PNPLA1: variants seen among roughly 807,000 people sequenced by gnomAD.
The protein encoded by PNPLA1 is omega-hydroxyceramide transacylase.
In PNPLA1, 36 loss-of-function variants were observed where a neutral mutation model predicts 51.7. The observed-to-expected ratio is 0.70, with a 90% CI of 0.53 to 0.92. The LOEUF is 0.92. PNPLA1 is among the 40% of genes least tolerant of loss of function. PNPLA1 has a pLI of 0.00. For missense variants in PNPLA1, 658 were observed against 682.5 expected (o/e 0.96, Z 0.40); for synonymous variants, 293 against 280.1 (o/e 1.05, Z -0.46).
At chr6:36,296,124 G>A (rs960392391) in intron 5 of PNPLA1, among the ~76,000 whole-genome samples, 1 of 152,190 alleles carries the variant, frequency 6.6e-6, no homozygotes, top group Non-Finnish European at 1.5e-5. Flanking sequence ...CAGCCTGGGC[G>A]ATTGTGAGAT....
In PNPLA1 at chr6:36,306,490, G is replaced by A. The variant is rs1771241365; in HGVS notation, c.1469+114G>A. 6 of 929,664 alleles carry A rather than the reference G, an allele frequency of 6.5e-6. No individual in the cohort carries two copies. The South Asian group carries it at 9.8e-5, about 15-fold the overall frequency. 57.6% of individuals were successfully genotyped at this position (929,664 alleles called of 1,614,324 possible). On this transcript the variant is annotated intron_variant, in intron 7 of 8. Coordinates refer to ENST00000636260, the MANE Select transcript of PNPLA1 (RefSeq NM_001374623.1). ...CCAGGAACTCTGGGATCCTTTTCTG[G>A]TGTGTGTGATTGTGTGATTCCAGGT...
intron 1 of PNPLA1, among the ~76,000 whole-genome samples, chr6:36,245,660 C>T (rs768623310): frequency 6.6e-6 from 1 of 152,206 alleles, no homozygotes; most frequent in Non-Finnish European, 1.5e-5. Flanking sequence ...CACAGGGGAG[C>T]TGCATCCGCT....
Position 36,294,650 on chromosome 6 carries a change from A to G in PNPLA1, c.714+251A>G, listed in dbSNP as rs373008028. On this transcript the variant is annotated intron_variant, in intron 4 of 8. Coordinates refer to ENST00000636260, the MANE Select transcript of PNPLA1 (RefSeq NM_001374623.1). The surrounding 1 kb of genome is among the most constrained non-coding windows in gnomAD (Gnocchi z 4.2). ...GATGATGCCAGAAGTGCTGATAGAA[A>G]TATTAACTGAACCCATCCATTCAGA... Among the ~76,000 whole-genome samples the G allele has an allele frequency of 2.6e-5, 4 of 152,350 alleles. No individual in the cohort carries two copies. The East Asian group carries it at 7.7e-4, about 29-fold the overall frequency.
chr6:36,274,541 G>A (rs1396931247), intron 1 of PNPLA1, among the ~76,000 whole-genome samples: 5 of 152,122 alleles, frequency 3.3e-5, no homozygotes, highest in Admixed American at 6.5e-5. Flanking sequence ...TTTCCTTGTC[G>A]TTACAACCAT....
intron 8 of PNPLA1, among the ~76,000 whole-genome samples, chr6:36,309,437 C>T (rs1487122918): frequency 2.0e-5 from 3 of 152,112 alleles, no homozygotes; most frequent in Non-Finnish European, 4.4e-5. Context: ...CACGGATCTG[C>T]GGTGGGTGTG....
chr6:36,302,582 C>A (rs1440774553), intron 6 of PNPLA1, 113 bp downstream of exon 6: 1 of 1,381,124 alleles, frequency 7.2e-7, no homozygotes, highest in East Asian at 2.3e-5. Context: ...CTGAAGTTAG[C>A]AGTGAGCTTT....
chr6:36,309,824 C>T (rs550715636), intron 8 of PNPLA1, among the ~76,000 whole-genome samples: 20 of 152,130 alleles, frequency 1.3e-4, no homozygotes, highest in African/African-American at 4.8e-4. Context: ...AAAAGAGAAG[C>T]TCAAAAATGT....
chr6:36,270,082 G>T lies in PNPLA1; in HGVS notation c.-378G>T, dbSNP rs1769863234. On this transcript the variant is annotated 5_prime_UTR_variant, in exon 1 of 9. Coordinates refer to ENST00000636260, the MANE Select transcript of PNPLA1 (RefSeq NM_001374623.1). Reference sequence around the variant, plus strand: ...CTTGGGCATGGCCCTGTGCTGGGGAGCAGTGAATGCGCCCTGGTATACCAT... The same window carrying T: ...CTTGGGCATGGCCCTGTGCTGGGGATCAGTGAATGCGCCCTGGTATACCAT... 1.3e-5 allele frequency among the ~76,000 whole-genome samples: 2 copies of T among 152,266 alleles called. No homozygotes were observed. Among genetic ancestry groups the T allele is most frequent in the South Asian group, 4.1e-4 (2 of 4,836 alleles).
Position 36,270,344 on chromosome 6 carries a change from T to C in PNPLA1, c.-116T>C. ...GGGTAGAGACAGCCACATTCCAAGC[T>C]CCGGGGTGGCAGGGAAGCTGGGTAG... On this transcript the variant is annotated 5_prime_UTR_variant, in exon 1 of 9. Transcript: ENST00000636260. 1 of 1,075,234 alleles carries C rather than the reference T, an allele frequency of 9.3e-7. No individual in the cohort carries two copies. Among genetic ancestry groups the C allele is most frequent in the Admixed American group, 2.1e-5 (1 of 47,640 alleles). 66.6% of individuals were successfully genotyped at this position (1,075,234 alleles called of 1,614,324 possible). A position where few individuals can be genotyped will look rare whatever the true frequency, so the allele number is the denominator to read the frequency against.
chr6:36,270,255 T>C lies in PNPLA1; in HGVS notation c.-205T>C, dbSNP rs1191871019. Among the ~76,000 whole-genome samples, 1 of 152,106 alleles carries C rather than the reference T, an allele frequency of 6.6e-6. No individual in the cohort carries two copies. The highest frequency in any genetic ancestry group is 2.4e-5 in the African/African-American group (1 of 41,428). ...TGGGGCCCCTTTCCAACCTTTGGAG[T>C]TGCCTCCTGGCGGAGCTTAACAGGC... On this transcript the variant is annotated 5_prime_UTR_variant, in exon 1 of 9. Transcript: ENST00000636260.
At chr6:36,289,838 T>G (rs1582075795) in intron 1 of PNPLA1, among the ~76,000 whole-genome samples, 1 of 152,214 alleles carries the variant, frequency 6.6e-6, no homozygotes, top group East Asian at 1.9e-4. Flanking sequence ...GGTGGAATAA[T>G]CGGTAAACCA....
chr6:36,302,787 G>A (rs1427022428), intron 6 of PNPLA1, among the ~76,000 whole-genome samples: 1 of 152,136 alleles, frequency 6.6e-6, no homozygotes. Context: ...TTGGAGGTGC[G>A]GCCCAGCTGC....
intron 1 of PNPLA1, among the ~76,000 whole-genome samples, chr6:36,273,399 C>T (rs1466084426): frequency 6.6e-6 from 1 of 152,094 alleles, no homozygotes; most frequent in Admixed American, 6.5e-5. Context: ...GCACAGTCTT[C>T]CTTGAATGCA....
chr6:36,289,119 A>AT (rs1371651016), intron 1 of PNPLA1, among the ~76,000 whole-genome samples: 1 of 152,138 alleles, frequency 6.6e-6, no homozygotes, highest in African/African-American at 2.4e-5. Context: ...AGACATTTTA[A>AT]TTTTTTTCTT....
upstream of PNPLA1, among the ~76,000 whole-genome samples, chr6:36,269,362 AG>A (rs938250204): frequency 5.3e-5 from 8 of 152,158 alleles, no homozygotes; most frequent in African/African-American, 1.4e-4. Context: ...ACAGCCCCTC[AG>A]GGGGCAGAAC....
At chr6:36,264,502 A>T (rs1175523222) in intron 1 of PNPLA1, among the ~76,000 whole-genome samples, 1 of 152,254 alleles carries the variant, frequency 6.6e-6, no homozygotes, top group African/African-American at 2.4e-5. Context: ...ATATTAATAT[A>T]CTGAAAGTAT....
At chr6:36,291,573 G>C in intron 2 of PNPLA1, 21 bp downstream of exon 2, 1 of 1,085,316 alleles carries the variant, frequency 9.2e-7, no homozygotes, top group Non-Finnish European at 1.4e-6. Context: ...TGGGCTGGGA[G>C]GGAGGGACAC....
At position 36,245,613 on chromosome 6, in the gene PNPLA1, T is replaced by C. The variant is rs115726170; in HGVS notation, c.-81+2352T>C. On this transcript the variant is annotated intron_variant, in intron 1 of 7. Transcript: ENST00000312917. ...TGCTGCAGGGAGGGGTGGGTGGCTC[T>C]GCCCCTGTGCCCAGCACACAGTAGG... Among the ~76,000 whole-genome samples the C allele has an allele frequency of 4.3e-3, 648 of 152,344 alleles. 1 individual carries two copies. Among genetic ancestry groups the C allele is most frequent in the African/African-American group, 0.014 (586 of 41,578 alleles).
rs376465318 is a variant in PNPLA1 at position 36,274,599 on chromosome 6, G to A, written c.205+3935G>A. Among the ~76,000 whole-genome samples the A allele has an allele frequency of 3.3e-5, 5 of 152,066 alleles. No individual in the cohort carries two copies. The East Asian group carries it at 5.8e-4, about 18-fold the overall frequency. On this transcript the variant is annotated intron_variant, in intron 1 of 8. Transcript: ENST00000636260. The stretch of plus-strand genomic sequence containing the variant: ...CACATGACATGTATATCATTCTAGG[G>A]TATTTGTGTCATTAACTTTGTTAAT...
Sources: allele counts gnomAD v4.1 joint callset (sites outside exome capture counted in the v4.1 genomes callset), GRCh38; gene constraint gnomAD v4.1.1; non-coding constraint Gnocchi (gnomAD v3.1); transcripts MANE v1.5; gene names NCBI Gene and HGNC (gene_info 2026-07-23, HGNC 2026-07-21).